Variants in EBF3 observed in about 807,000 individuals in gnomAD.
EBF3 encodes EBF transcription factor 3, also known as transcription factor COE3.
In EBF3, 18 loss-of-function variants were observed where a neutral mutation model predicts 77.1. The ratio of observed to expected loss-of-function variants is 0.23; its 90% CI spans 0.16 to 0.35. EBF3 has a LOEUF of 0.35. EBF3 is among the 10% of genes least tolerant of loss of function. The probability of loss-of-function intolerance (pLI) is 1.00; values close to 1 mark genes in which losing one functional copy is unlikely to be tolerated. For synonymous variants in EBF3, 350 were observed against 343.5 expected (o/e 1.02, Z -0.21); for missense variants, 558 against 860.0 (o/e 0.65, Z 4.39).
At position 129,841,323 on chromosome 10, in the gene EBF3, T is replaced by C. The variant is rs1590035540; in HGVS notation, c.1373-291A>G. On this transcript the variant is annotated intron_variant, in intron 13 of 16. Coordinates refer to ENST00000440978, the MANE Select transcript of EBF3 (RefSeq NM_001375380.1). This position sits in a 1 kb window ranked among gnomAD's most constrained non-coding sequence, Gnocchi z 4.6. Reference sequence around the variant, plus strand: ...CTCTTTAGAGGCAATTATCAACAGCTTGGATTCCTGGTCTGTCCCCCCACG... The same window carrying C: ...CTCTTTAGAGGCAATTATCAACAGCCTGGATTCCTGGTCTGTCCCCCCACG... Among the ~76,000 whole-genome samples, 1 of 152,186 alleles carries C rather than the reference T, an allele frequency of 6.6e-6. No homozygotes were observed. Among genetic ancestry groups the C allele is most frequent in the East Asian group, 1.9e-4 (1 of 5,186 alleles).
intron 10 of EBF3, among the ~76,000 whole-genome samples, chr10:129,857,820 C>T (rs942613431): frequency 1.3e-5 from 2 of 152,176 alleles, no homozygotes; most frequent in African/African-American, 2.4e-5. Flanking sequence ...GTAGCTTCCC[C>T]GCCTCTCAGT....
chr10:129,953,281 C>T lies in EBF3; in HGVS notation c.554+3977G>A, dbSNP rs1470099412. On this transcript the variant is annotated intron_variant, in intron 6 of 16. Transcript: ENST00000440978. ...GGAAGGTTAAGCAAATAATATTTCC[C>T]TATGACACAACGTCAATTACGCATA... 2.0e-5 allele frequency among the ~76,000 whole-genome samples: 3 copies of T among 152,248 alleles called. No homozygotes were observed. In the East Asian group the frequency reaches 5.8e-4, roughly 29 times the overall value.
At chr10:129,854,647 G>T (rs1226722511) in intron 10 of EBF3, among the ~76,000 whole-genome samples, 1 of 152,226 alleles carries the variant, frequency 6.6e-6, no homozygotes, top group Non-Finnish European at 1.5e-5. Flanking sequence ...ATTGTAAAAT[G>T]AAGATCAATG....
At chr10:129,939,855 C>G (rs1857608334) in intron 6 of EBF3, among the ~76,000 whole-genome samples, 1 of 152,224 alleles carries the variant, frequency 6.6e-6, no homozygotes, top group Non-Finnish European at 1.5e-5. Context: ...CACTTAGGAG[C>G]AAAATCTTTC....
At chr10:129,939,579 A>C (rs1299771749) in intron 6 of EBF3, among the ~76,000 whole-genome samples, 1 of 152,142 alleles carries the variant, frequency 6.6e-6, no homozygotes, top group East Asian at 1.9e-4. Context: ...AGTTCAAGGG[A>C]AATTCAAACG....
intron 4 of EBF3, among the ~76,000 whole-genome samples, chr10:129,959,537 C>G (rs958362141): frequency 6.6e-6 from 1 of 151,898 alleles, no homozygotes; most frequent in Admixed American, 6.5e-5. Context: ...GGCCGAGGGC[C>G]GCGCCCGCCC....
chr10:129,963,614 G>A lies in EBF3; in HGVS notation c.134+21C>T, dbSNP rs2134661497. On this transcript the variant is annotated intron_variant, in intron 1 of 16. Transcript: ENST00000440978. This position sits in a 1 kb window ranked among gnomAD's most constrained non-coding sequence, Gnocchi z 7.1. The stretch of plus-strand genomic sequence containing the variant: ...CGGGCCGGGGCCGGGGCCAGGGCGC[G>A]CGGGGGCGGCCGGTACGTACCTCTG... 1 of 1,328,668 alleles carries A rather than the reference G, an allele frequency of 7.5e-7. No individual in the cohort carries two copies. Among genetic ancestry groups the A allele is most frequent in the Non-Finnish European group, 9.8e-7 (1 of 1,022,932 alleles). 82.3% of individuals were successfully genotyped at this position (1,328,668 alleles called of 1,614,324 possible). A position where few individuals can be genotyped will look rare whatever the true frequency, so the allele number is the denominator to read the frequency against.
chr10:129,902,701 C>G (rs1352455462), intron 6 of EBF3, among the ~76,000 whole-genome samples: 1 of 152,194 alleles, frequency 6.6e-6, no homozygotes, highest in Non-Finnish European at 1.5e-5. Flanking sequence ...TTGTGAGACT[C>G]TTTATGAGCG....
intron 10 of EBF3, among the ~76,000 whole-genome samples, chr10:129,860,588 C>A (rs547516334): frequency 2.0e-5 from 3 of 152,292 alleles, no homozygotes; most frequent in African/African-American, 7.2e-5. Context: ...TTGGTCACAG[C>A]CACTTGGAAA....
At chr10:129,959,894 T>C (rs939039000) in intron 4 of EBF3, among the ~76,000 whole-genome samples, 5 of 152,152 alleles carry the variant, frequency 3.3e-5, no homozygotes, top group Non-Finnish European at 7.4e-5. Flanking sequence ...CTGGTGTTTA[T>C]TTTGAAACTG....
At chr10:129,883,875 T>C (rs1451451635) in intron 6 of EBF3, among the ~76,000 whole-genome samples, 1 of 152,128 alleles carries the variant, frequency 6.6e-6, no homozygotes, top group East Asian at 1.9e-4. Context: ...GTGCACTAAA[T>C]GCCACAGAAC....
rs1852999786 is a variant in EBF3, at chr10:129,878,891, T to C, written c.555-1042A>G. Reference sequence around the variant, plus strand: ...GCATATTGTTTTAACCAAGAATTCTTGAGGCGGTAATGAAACTGTTGCTGA... The same window carrying C: ...GCATATTGTTTTAACCAAGAATTCTCGAGGCGGTAATGAAACTGTTGCTGA... On this transcript the variant is annotated intron_variant, in intron 6 of 16. Transcript: ENST00000440978. Among the ~76,000 whole-genome samples, 3 of 149,806 alleles carry C rather than the reference T, an allele frequency of 2.0e-5. No homozygotes were observed. In the South Asian group the frequency reaches 6.3e-4, roughly 32 times the overall value.
chr10:129,899,015 G>A (rs1854593340), intron 6 of EBF3, among the ~76,000 whole-genome samples: 1 of 152,236 alleles, frequency 6.6e-6, no homozygotes, highest in Non-Finnish European at 1.5e-5. Context: ...GCTACACGTC[G>A]GAGCGCGGCA....
chr10:129,904,095 T>A (rs1315133415), intron 6 of EBF3, among the ~76,000 whole-genome samples: 1 of 152,204 alleles, frequency 6.6e-6, no homozygotes, highest in Non-Finnish European at 1.5e-5. Context: ...AGTTTCCTTT[T>A]TTCCTACTTT....
intron 11 of EBF3, among the ~76,000 whole-genome samples, chr10:129,844,083 C>A (rs761468180): frequency 6.6e-6 from 1 of 152,328 alleles, no homozygotes; most frequent in African/African-American, 2.4e-5. Context: ...GCATGGAAGA[C>A]GGGCAGAGAG....
chr10:129,885,655 C>T lies in EBF3; in HGVS notation c.555-7806G>A, dbSNP rs1853522587. Among the ~76,000 whole-genome samples, 1 of 152,158 alleles carries T rather than the reference C, an allele frequency of 6.6e-6. No homozygotes were observed. The highest frequency in any genetic ancestry group is 1.5e-5 in the Non-Finnish European group (1 of 68,034). On this transcript the variant is annotated intron_variant, in intron 6 of 16. Transcript: ENST00000440978. This position sits in a 1 kb window ranked among gnomAD's most constrained non-coding sequence, Gnocchi z 4.0. Reference sequence around the variant, plus strand: ...CATTATTTCCCCAGCAGATCACGCGCCCTGTCAATCAGTCTGTATTTTGTC... The same window carrying T: ...CATTATTTCCCCAGCAGATCACGCGTCCTGTCAATCAGTCTGTATTTTGTC...
chr10:129,897,806 C>A lies in EBF3; in HGVS notation c.555-19957G>T, dbSNP rs796626700. On this transcript the variant is annotated intron_variant, in intron 6 of 16. Transcript: ENST00000440978. This position sits in a 1 kb window ranked among gnomAD's most constrained non-coding sequence, Gnocchi z 4.6. ...CTTTCCTACATTTATCGTGACGGGG[C>A]CACTTGTGGGTATGCGAGTACATGG... 1.3e-5 allele frequency among the ~76,000 whole-genome samples: 2 copies of A among 152,306 alleles called. No individual in the cohort carries two copies. Among genetic ancestry groups the A allele is most frequent in the African/African-American group, 2.4e-5 (1 of 41,574 alleles).
rs551593024 is a variant in EBF3 at position 129,835,276 on chromosome 10, C to G, written c.*2667G>C. 16 of 152,412 alleles carry G rather than the reference C, an allele frequency of 1.0e-4. No individual in the cohort carries two copies. The highest frequency in any genetic ancestry group is 4.6e-4 in the Admixed American group (7 of 15,276). 9.4% of individuals were successfully genotyped at this position (152,412 alleles called of 1,614,324 possible). On this transcript the variant is annotated 3_prime_UTR_variant, in exon 17 of 17. Coordinates refer to ENST00000440978, the MANE Select transcript of EBF3 (RefSeq NM_001375380.1). ...AATAATCAAAAACAGAGAAAATTACCAAAAGTGAAATTCACAGACAAGAAA... is the reference window on the plus strand; with the variant it reads ...AATAATCAAAAACAGAGAAAATTACGAAAAGTGAAATTCACAGACAAGAAA...
chr10:129,889,751 G>A (rs1035893092), intron 6 of EBF3, among the ~76,000 whole-genome samples: 1 of 149,436 alleles, frequency 6.7e-6, no homozygotes, highest in Non-Finnish European at 1.5e-5. Context: ...TGCAGGGAGG[G>A]GAAGTAGGCC....
Sources: allele counts gnomAD v4.1 joint callset (sites outside exome capture counted in the v4.1 genomes callset), GRCh38; gene constraint gnomAD v4.1.1; non-coding constraint Gnocchi (gnomAD v3.1); transcripts MANE v1.5; gene names NCBI Gene and HGNC (gene_info 2026-07-23, HGNC 2026-07-21).